TTLL7: variants seen among roughly 807,000 people sequenced by gnomAD.
TTLL7 encodes the protein tubulin tyrosine ligase like 7.
A neutral mutation model predicts 120.2 loss-of-function variants in TTLL7; 53 were observed. That is an observed-to-expected ratio of 0.44 (90% CI 0.35 to 0.55). The LOEUF is 0.55. Ranked by LOEUF, TTLL7 falls within the 20% of genes least tolerant of loss-of-function variation. TTLL7 has a pLI of 0.00. For synonymous variants in TTLL7, 353 were observed against 351.7 expected (o/e 1.00, Z -0.04); for missense variants, 803 against 1,054.7 (o/e 0.76, Z 3.31).
chr1:83,955,258 A>ACT (rs745582918), intron 1 of TTLL7, among the ~76,000 whole-genome samples: 15 of 151,852 alleles, frequency 9.9e-5, no homozygotes, highest in South Asian at 2.1e-4. Context: ...TATCTTGTTC[A>ACT]CTCCTCCATT....
intron 10 of TTLL7, among the ~76,000 whole-genome samples, chr1:83,922,238 A>T (rs377564510): frequency 1.6e-4 from 24 of 152,112 alleles, no homozygotes; most frequent in African/African-American, 5.3e-4. Context: ...AAAACAAAAC[A>T]GAAAGTTCTA....
intron 1 of TTLL7, among the ~76,000 whole-genome samples, chr1:83,957,973 C>T (rs2100876235): frequency 6.6e-6 from 1 of 152,272 alleles, no homozygotes; most frequent in Non-Finnish European, 1.5e-5. Flanking sequence ...CAGACTAAGA[C>T]ATTGAGTCCA....
chr1:83,929,948 TTA>T (rs1659459455), intron 9 of TTLL7, among the ~76,000 whole-genome samples: 1 of 152,160 alleles, frequency 6.6e-6, no homozygotes, highest in South Asian at 2.1e-4. Context: ...CTAGTCACAG[TTA>T]TACACATCTG....
intron 1 of TTLL7, among the ~76,000 whole-genome samples, chr1:83,965,556 G>GT (rs1322391855): frequency 1.3e-5 from 2 of 151,890 alleles, no homozygotes; most frequent in Non-Finnish European, 2.9e-5. Context: ...CTAAAACTTG[G>GT]TATTATAATA....
At chr1:83,945,697 G>C (rs894094046) in intron 6 of TTLL7, among the ~76,000 whole-genome samples, 13 of 151,720 alleles carry the variant, frequency 8.6e-5, no homozygotes, top group Non-Finnish European at 1.5e-4. Flanking sequence ...TGTTTATATT[G>C]CCATCAAAAT....
intron 15 of TTLL7, 78 bp downstream of exon 15, chr1:83,911,087 A>C (rs1657636419): frequency 8.0e-7 from 1 of 1,256,894 alleles, no homozygotes; most frequent in Non-Finnish European, 1.1e-6. Flanking sequence ...CATTTGGCCC[A>C]AGGACCTTTT....
At chr1:83,927,999 G>C (rs1198102468) in intron 10 of TTLL7, among the ~76,000 whole-genome samples, 1 of 152,098 alleles carries the variant, frequency 6.6e-6, no homozygotes, top group African/African-American at 2.4e-5. Context: ...CACTAAGAAA[G>C]ATAAAGAAAA....
At chr1:83,913,857 A>C (rs1340296528) in intron 14 of TTLL7, among the ~76,000 whole-genome samples, 2 of 152,206 alleles carry the variant, frequency 1.3e-5, no homozygotes, top group African/African-American at 4.8e-5. Flanking sequence ...AACCCAGGAA[A>C]ATATAAGACA....
chr1:83,921,402 A>G lies in TTLL7; in HGVS notation c.1143-8T>C. 2 of 1,609,996 alleles carry G rather than the reference A, an allele frequency of 1.2e-6. No homozygotes were observed. Among genetic ancestry groups the G allele is most frequent in the South Asian group, 2.2e-5 (2 of 90,802 alleles). On this transcript the variant is annotated splice_polypyrimidine_tract_variant and splice_region_variant and intron_variant, in intron 10 of 20. Transcript: ENST00000260505. ...CTTCTTTTGTCACTGGTCCTAAAAT[A>G]TAAAACATAAGACCATATTCTAGAA... is the stretch of plus-strand genomic sequence containing the variant.
chr1:83,955,136 T>C (rs1354916319), intron 1 of TTLL7, among the ~76,000 whole-genome samples: 1 of 152,182 alleles, frequency 6.6e-6, no homozygotes, highest in Non-Finnish European at 1.5e-5. Context: ...CACTTTTTCC[T>C]GAAAGCTTTC....
At chr1:83,953,123 A>T (rs1649208170) in intron 1 of TTLL7, among the ~76,000 whole-genome samples, 1 of 152,214 alleles carries the variant, frequency 6.6e-6, no homozygotes, top group Admixed American at 6.5e-5. Context: ...TTATTCAGGC[A>T]CACAGAGGAA....
At chr1:83,889,014 T>C (rs536920300) in intron 19 of TTLL7, among the ~76,000 whole-genome samples, 2 of 152,150 alleles carry the variant, frequency 1.3e-5, no homozygotes, top group South Asian at 4.1e-4. Flanking sequence ...TTTATAATGA[T>C]GTATTAGTCC....
chr1:83,991,946 C>T (rs971202213), intron 1 of TTLL7, among the ~76,000 whole-genome samples: 1 of 152,030 alleles, frequency 6.6e-6, no homozygotes, highest in Non-Finnish European at 1.5e-5. Flanking sequence ...CACAGATACT[C>T]TCTTAAGCAC....
intron 14 of TTLL7, among the ~76,000 whole-genome samples, chr1:83,915,735 T>C (rs376985958): frequency 2.6e-5 from 4 of 151,980 alleles, no homozygotes; most frequent in South Asian, 2.1e-4. Flanking sequence ...ATTTTTGCAA[T>C]CTACTCATCT....
At position 83,867,569 on chromosome 1, in the gene TTLL7, T is replaced by C. The variant is rs1401006780; in HGVS notation, c.*2393A>G. The C allele has an allele frequency of 6.6e-6, 1 of 151,914 alleles. No homozygotes were observed. Among genetic ancestry groups the C allele is most frequent in the East Asian group, 1.9e-4 (1 of 5,186 alleles). 9.4% of individuals were successfully genotyped at this position (151,914 alleles called of 1,614,324 possible). ...GTGTGTGTGTTTTCTGTGAGGAGTG[T>C]TTCTCCTAGTGATGGGCATTCTTAT... On this transcript the variant is annotated 3_prime_UTR_variant, in exon 21 of 21. Transcript: ENST00000260505.
chr1:83,884,361 G>A (rs895099109), intron 19 of TTLL7, among the ~76,000 whole-genome samples: 1 of 151,784 alleles, frequency 6.6e-6, no homozygotes, highest in African/African-American at 2.4e-5. Context: ...GAAACACAAA[G>A]ACTCCACTTT....
At chr1:83,987,200 A>C (rs889077874) in intron 1 of TTLL7, among the ~76,000 whole-genome samples, 1 of 152,006 alleles carries the variant, frequency 6.6e-6, no homozygotes, top group Middle Eastern at 3.2e-3. Context: ...AACATGTGCA[A>C]GATTTACATA....
intron 1 of TTLL7, among the ~76,000 whole-genome samples, chr1:83,955,399 T>C (rs1251427350): frequency 2.0e-5 from 3 of 152,160 alleles, no homozygotes; most frequent in African/African-American, 7.2e-5. Flanking sequence ...TATGATGAGG[T>C]AGGACCTTTA....
intron 14 of TTLL7, among the ~76,000 whole-genome samples, chr1:83,913,566 G>C (rs912577875): frequency 6.6e-6 from 1 of 152,044 alleles, no homozygotes; most frequent in Admixed American, 6.6e-5. Context: ...AAAAAGGAAC[G>C]GCTGTTTTGA....
Sources: gnomAD v4.1 joint callset for allele counts (sites outside exome capture counted in the v4.1 genomes callset) on GRCh38, gnomAD v4.1.1 for gene constraint, MANE v1.5 for transcripts, NCBI Gene and HGNC (gene_info 2026-07-23, HGNC 2026-07-21) for gene names.